MLLT10: variants seen among roughly 807,000 people sequenced by gnomAD.
MLLT10 encodes the protein protein AF-10.
A neutral mutation model predicts 129.1 loss-of-function variants in MLLT10; 30 were observed. That is an observed-to-expected ratio of 0.23 (90% confidence interval 0.17 to 0.32). MLLT10 has a LOEUF of 0.32. Among genes scored for constraint, MLLT10 ranks in the 10% least tolerant of loss-of-function variants. The pLI is 1.00. For synonymous variants in MLLT10, 490 were observed against 446.4 expected (o/e 1.10, Z -1.23); for missense variants, 1,119 against 1,268.3 (o/e 0.88, Z 1.79).
At position 21,692,017 on chromosome 10, in the gene MLLT10, A is replaced by G. The variant is rs930843606; in HGVS notation, c.1699+9760A>G. Among the ~76,000 whole-genome samples the G allele has an allele frequency of 2.1e-3, 314 of 149,626 alleles. 3 individuals are homozygous for G. Among genetic ancestry groups the G allele is most frequent in the African/African-American group, 7.3e-3 (299 of 40,966 alleles). On this transcript the variant is annotated intron_variant, in intron 13 of 22. Transcript: ENST00000307729. ...TCATATCTACAAAAAAAAAAAAAAA[A>G]AAAAAAAGAGCCAGGTGGGGTGGTG...
At chr10:21,607,105 T>C (rs1222705956) in intron 5 of MLLT10, among the ~76,000 whole-genome samples, 2 of 152,050 alleles carry the variant, frequency 1.3e-5, no homozygotes, top group African/African-American at 4.8e-5. Flanking sequence ...TGAAAGGTAG[T>C]GAAAGTGCCA....
intron 3 of MLLT10, among the ~76,000 whole-genome samples, chr10:21,570,073 C>A (rs2040037508): frequency 2.6e-5 from 4 of 152,012 alleles, no homozygotes; most frequent in Admixed American, 2.6e-4. Flanking sequence ...CCATGCCCAG[C>A]TAATTTTGTA....
intron 3 of MLLT10, among the ~76,000 whole-genome samples, chr10:21,549,724 G>A (rs1486943063): frequency 1.4e-5 from 2 of 146,394 alleles, no homozygotes; most frequent in African/African-American, 2.5e-5. Context: ...TGCAGTGGCC[G>A]CGATCCTCTA....
chr10:21,593,837 G>A (rs1306401352), intron 4 of MLLT10, among the ~76,000 whole-genome samples: 2 of 141,714 alleles, frequency 1.4e-5, no homozygotes, highest in East Asian at 4.5e-4. Flanking sequence ...TGAGGCAGGA[G>A]AATTGGTTGA....
chr10:21,578,069 A>G (rs2040983134), intron 3 of MLLT10, among the ~76,000 whole-genome samples: 1 of 150,514 alleles, frequency 6.6e-6, no homozygotes, highest in Non-Finnish European at 1.5e-5. Context: ...CTAATTTTGT[A>G]ATTTTAGAAG....
intron 2 of MLLT10, among the ~76,000 whole-genome samples, chr10:21,538,489 T>G (rs967439126): frequency 6.6e-6 from 1 of 151,816 alleles, no homozygotes; most frequent in Admixed American, 6.6e-5. Context: ...TTTTTTTTTG[T>G]GGAGATGGAG....
chr10:21,673,226 AT>A (rs1451903447), intron 10 of MLLT10, 123 bp from the exon 11 acceptor site: 16 of 571,886 alleles, frequency 2.8e-5, no homozygotes, highest in Non-Finnish European at 5.7e-6. Flanking sequence ...GTTGTAGTTA[AT>A]TTTTTTAAAC....
At chr10:21,586,899 A>G (rs555304563) in intron 4 of MLLT10, among the ~76,000 whole-genome samples, 3 of 150,378 alleles carry the variant, frequency 2.0e-5, no homozygotes, top group Non-Finnish European at 4.4e-5. Context: ...AAAAAAAAGT[A>G]TTTTTTTTAA....
At chr10:21,636,655 A>C (rs1022697887) in intron 8 of MLLT10, among the ~76,000 whole-genome samples, 2 of 151,472 alleles carry the variant, frequency 1.3e-5, no homozygotes, top group Non-Finnish European at 2.9e-5. Context: ...GCTCACTGCA[A>C]CCTCTGCCTC....
At chr10:21,543,589 C>T (rs1455213519) in intron 3 of MLLT10, among the ~76,000 whole-genome samples, 2 of 152,172 alleles carry the variant, frequency 1.3e-5, no homozygotes, top group Non-Finnish European at 2.9e-5. Context: ...AGCGATTCTC[C>T]TGCCTCAGCC....
chr10:21,618,802 G>A (rs972488148), intron 8 of MLLT10, among the ~76,000 whole-genome samples: 9 of 151,792 alleles, frequency 5.9e-5, no homozygotes, highest in African/African-American at 1.5e-4. Context: ...GCGTGATCTC[G>A]TGTTATTGCA....
Position 21,595,314 on chromosome 10 carries a change from T to C in MLLT10, c.296-17T>C. The C allele has an allele frequency of 1.3e-6, 2 of 1,581,672 alleles. No individual in the cohort carries two copies. The highest frequency in any genetic ancestry group is 2.2e-5 in the South Asian group (2 of 89,448). ...TCGATAAAACTGAAAAGATGACATT[T>C]ATTTATTTATTTTTAGGTTGGGCCC... On this transcript the variant is annotated splice_polypyrimidine_tract_variant and intron_variant, in intron 4 of 22. Transcript: ENST00000307729.
intron 8 of MLLT10, among the ~76,000 whole-genome samples, chr10:21,646,765 A>T (rs2048516774): frequency 6.6e-6 from 1 of 152,156 alleles, no homozygotes; most frequent in African/African-American, 2.4e-5. Context: ...GCCAAGGGGA[A>T]TTCACAGTTC....
At chr10:21,685,010 G>A (rs2053149716) in intron 13 of MLLT10, among the ~76,000 whole-genome samples, 1 of 151,766 alleles carries the variant, frequency 6.6e-6, no homozygotes, top group South Asian at 2.1e-4. Context: ...CAGACTCTTT[G>A]ATAGAATTAA....
At chr10:21,738,396 T>C (rs1348893727) in intron 21 of MLLT10, 3 of 1,287,934 alleles carry the variant, frequency 2.3e-6, no homozygotes, top group Admixed American at 2.3e-5. Flanking sequence ...GATTTTACTC[T>C]AATAATAGCA....
rs534036232 is a variant in MLLT10, at chr10:21,741,944, T to C, written c.3168T>C (p.Leu1056=). The part of the protein sequence containing the change: ...GDNASQKVAR[L]SDKTGPVAQE... Reference sequence around the variant, plus strand: ...GCTCTTTTGTTTACCTGCAGAGACTTAGTGATAAAACTGGGCCTGTAGCTC... The same window carrying C: ...GCTCTTTTGTTTACCTGCAGAGACTCAGTGATAAAACTGGGCCTGTAGCTC... The change falls in exon 23 of 23, where the codon CTT becomes CTC. Residue 1056 remains leucine, a synonymous_variant. Transcript: ENST00000307729. 1.9e-6 allele frequency: 3 copies of C among 1,611,400 alleles called. No individual in the cohort carries two copies. Among genetic ancestry groups the C allele is most frequent in the Non-Finnish European group, 2.5e-6 (3 of 1,179,394 alleles).
chr10:21,665,611 G>A (rs567429043), intron 9 of MLLT10, among the ~76,000 whole-genome samples: 2 of 152,032 alleles, frequency 1.3e-5, no homozygotes, highest in African/African-American at 4.8e-5. Flanking sequence ...TTAAGGCAGC[G>A]TATAGTCATG....
intron 8 of MLLT10, among the ~76,000 whole-genome samples, chr10:21,650,985 A>G (rs2048962321): frequency 1.3e-5 from 2 of 152,208 alleles, no homozygotes; most frequent in African/African-American, 2.4e-5. Context: ...GTGAAGTGCT[A>G]TGTAAACTTT....
chr10:21,574,593 T>C (rs2040540295), intron 3 of MLLT10, among the ~76,000 whole-genome samples: 2 of 152,294 alleles, frequency 1.3e-5, no homozygotes, highest in Admixed American at 6.5e-5. Context: ...CCCATTTTTA[T>C]GAGTATTTCT....
Sources: gnomAD v4.1 joint callset for allele counts (sites outside exome capture counted in the v4.1 genomes callset) on GRCh38, gnomAD v4.1.1 for gene constraint, MANE v1.5 for transcripts, NCBI Gene and HGNC (gene_info 2026-07-23, HGNC 2026-07-21) for gene names.